The following HS6ST3 variants were observed in gnomAD, a reference collection of about 807,000 sequenced individuals.
The protein encoded by HS6ST3 is heparan sulfate 6-O-sulfotransferase 3.
A neutral mutation model predicts 36.7 loss-of-function variants in HS6ST3; 12 were observed. The observed-to-expected ratio is 0.33, with a 90% CI of 0.21 to 0.53. HS6ST3 has a LOEUF of 0.53. Among genes scored for constraint, HS6ST3 ranks in the 20% least tolerant of loss-of-function variants. HS6ST3 has a pLI of 0.95. For missense variants in HS6ST3, 584 were observed against 640.9 expected (o/e 0.91, Z 0.96); for synonymous variants, 240 against 257.5 (o/e 0.93, Z 0.65).
chr13:96,179,580 T>C (rs570284731), intron 1 of HS6ST3, among the ~76,000 whole-genome samples: 2 of 152,200 alleles, frequency 1.3e-5, no homozygotes, highest in Non-Finnish European at 2.9e-5. Context: ...TTAATAGTCT[T>C]GCAAAGATCA....
At chr13:96,728,539 TTGAG>T (rs1468555789) in intron 1 of HS6ST3, among the ~76,000 whole-genome samples, 11 of 152,252 alleles carry the variant, frequency 7.2e-5, no homozygotes, top group Admixed American at 3.9e-4. Flanking sequence ...CACTCACTGT[TTGAG>T]TAATTTTCTA....
intron 1 of HS6ST3, among the ~76,000 whole-genome samples, chr13:96,147,254 A>G (rs571903893): frequency 6.6e-6 from 1 of 152,322 alleles, no homozygotes; most frequent in African/African-American, 2.4e-5. Context: ...AAGGCTGTGT[A>G]TATTTCCCAC....
chr13:96,332,824 A>G (rs1274796878), intron 1 of HS6ST3, among the ~76,000 whole-genome samples: 2 of 152,212 alleles, frequency 1.3e-5, no homozygotes, highest in African/African-American at 4.8e-5. Context: ...GGATATTTGT[A>G]TCTCCCCCAA....
intron 1 of HS6ST3, among the ~76,000 whole-genome samples, chr13:96,395,323 TAA>T (rs1297948947): frequency 1.3e-5 from 2 of 152,230 alleles, no homozygotes; most frequent in Non-Finnish European, 2.9e-5. Flanking sequence ...ACAAACTAGT[TAA>T]GTCACATTTA....
chr13:96,464,947 CGTGTGTGTGTGTGT>C (rs71113997), intron 1 of HS6ST3, among the ~76,000 whole-genome samples: 3 of 145,460 alleles, frequency 2.1e-5, no homozygotes, highest in Non-Finnish European at 4.5e-5. Context: ...CAAGATGCTT[CGTGTGTGTGTGTGT>C]GTGTGTGTGT....
At chr13:96,689,069 T>C (rs1199251646) in intron 1 of HS6ST3, among the ~76,000 whole-genome samples, 1 of 152,128 alleles carries the variant, frequency 6.6e-6, no homozygotes, top group Non-Finnish European at 1.5e-5. Flanking sequence ...TGTGTTCTGC[T>C]GTTTATCAGC....
At chr13:96,766,277 G>A (rs1877111191) in intron 1 of HS6ST3, among the ~76,000 whole-genome samples, 1 of 152,192 alleles carries the variant, frequency 6.6e-6, no homozygotes. Context: ...AAAAGTAAAT[G>A]TGACAGTGTG....
chr13:96,354,211 G>T (rs1186320357), intron 1 of HS6ST3, among the ~76,000 whole-genome samples: 1 of 152,198 alleles, frequency 6.6e-6, no homozygotes, highest in Non-Finnish European at 1.5e-5. Flanking sequence ...AGCTGACAGG[G>T]ATATGCTGAT....
At chr13:96,287,095 CA>C (rs2054807506) in intron 1 of HS6ST3, among the ~76,000 whole-genome samples, 1 of 152,120 alleles carries the variant, frequency 6.6e-6, no homozygotes, top group Non-Finnish European at 1.5e-5. Context: ...TCTTTGTCAC[CA>C]AGGCACAATG....
intron 1 of HS6ST3, among the ~76,000 whole-genome samples, chr13:96,705,253 TA>T (rs1459572798): frequency 2.0e-5 from 3 of 152,222 alleles, no homozygotes; most frequent in Admixed American, 6.5e-5. Flanking sequence ...TTTCACTACC[TA>T]AAAATTCTCT....
chr13:96,264,945 A>G (rs148113427), intron 1 of HS6ST3, among the ~76,000 whole-genome samples: 28 of 152,304 alleles, frequency 1.8e-4, no homozygotes, highest in Non-Finnish European at 3.4e-4. Flanking sequence ...TCCCTAGCTA[A>G]TAACCCCTGT....
intron 1 of HS6ST3, among the ~76,000 whole-genome samples, chr13:96,488,862 A>G (rs1472682389): frequency 6.6e-6 from 1 of 152,034 alleles, no homozygotes; most frequent in African/African-American, 2.4e-5. Context: ...CCTATCACTC[A>G]CCACAAAATT....
chr13:96,639,587 G>C (rs1363528604), intron 1 of HS6ST3, among the ~76,000 whole-genome samples: 1 of 151,924 alleles, frequency 6.6e-6, no homozygotes, highest in Non-Finnish European at 1.5e-5. Context: ...TACGTGTGCA[G>C]GTTTGTTATT....
At chr13:96,281,426 G>T (rs1037944141) in intron 1 of HS6ST3, among the ~76,000 whole-genome samples, 6 of 152,016 alleles carry the variant, frequency 3.9e-5, no homozygotes, top group African/African-American at 1.4e-4. Flanking sequence ...TGCTTTTTTT[G>T]GTATCAACAA....
chr13:96,478,510 G>C (rs2055875003), intron 1 of HS6ST3, among the ~76,000 whole-genome samples: 1 of 152,090 alleles, frequency 6.6e-6, no homozygotes, highest in Non-Finnish European at 1.5e-5. Context: ...GAGTTCCATA[G>C]TCTCATCTCT....
chr13:96,344,604 G>A (rs1184422170), intron 1 of HS6ST3, among the ~76,000 whole-genome samples: 1 of 152,198 alleles, frequency 6.6e-6, no homozygotes, highest in Non-Finnish European at 1.5e-5. Flanking sequence ...ATTTTGGTGT[G>A]TGTTTATTAA....
At chr13:96,796,625 C>T (rs929192023) in intron 1 of HS6ST3, among the ~76,000 whole-genome samples, 15 of 152,160 alleles carry the variant, frequency 9.9e-5, no homozygotes, top group South Asian at 2.1e-4. Context: ...ACCTTGAACA[C>T]ATTTAAATTC....
At chr13:96,647,918 A>G (rs2056594391) in intron 1 of HS6ST3, among the ~76,000 whole-genome samples, 2 of 152,066 alleles carry the variant, frequency 1.3e-5, no homozygotes, top group African/African-American at 4.8e-5. Flanking sequence ...ACTCTTTAAT[A>G]TGGACATTTA....
At chr13:96,765,367 C>G (rs146285208) in intron 1 of HS6ST3, among the ~76,000 whole-genome samples, 1 of 152,264 alleles carries the variant, frequency 6.6e-6, no homozygotes, top group Admixed American at 6.5e-5. Flanking sequence ...CCACCGCACC[C>G]GGCCACACTT....
Sources: allele counts gnomAD v4.1 joint callset (sites outside exome capture counted in the v4.1 genomes callset), GRCh38; gene constraint gnomAD v4.1.1; transcripts MANE v1.5; gene names NCBI Gene and HGNC (gene_info 2026-07-23, HGNC 2026-07-21).